VRK1: variants seen among roughly 807,000 people sequenced by gnomAD.
VRK1 encodes the protein VRK serine/threonine kinase 1.
VRK1 carries 33 observed loss-of-function variants against 57.1 expected under a neutral mutation model. The ratio of observed to expected loss-of-function variants is 0.58; its 90% confidence interval spans 0.44 to 0.77. VRK1 has a LOEUF of 0.77. Ranked by LOEUF, VRK1 falls within the 30% of genes least tolerant of loss-of-function variation. The pLI, the probability that VRK1 is intolerant of heterozygous loss-of-function variation, is 0.00. For synonymous variants in VRK1, 137 were observed against 147.8 expected (o/e 0.93, Z 0.53); for missense variants, 413 against 477.3 (o/e 0.87, Z 1.25).
intron 3 of VRK1, among the ~76,000 whole-genome samples, chr14:96,842,847 T>C (rs1887519569): frequency 6.6e-6 from 1 of 152,232 alleles, no homozygotes; most frequent in South Asian, 2.1e-4. Flanking sequence ...TGGAATCTTG[T>C]GGCTGGCACA....
intron 1 of VRK1, among the ~76,000 whole-genome samples, chr14:96,800,756 T>C (rs1885627462): frequency 6.6e-6 from 1 of 152,102 alleles, no homozygotes; most frequent in African/African-American, 2.4e-5. Flanking sequence ...TAGATACTGT[T>C]CACACTGGCA....
At chr14:96,876,792 C>A (rs1283344097) in intron 12 of VRK1, among the ~76,000 whole-genome samples, 83 of 126,502 alleles carry the variant, frequency 6.6e-4, no homozygotes, top group East Asian at 2.3e-3. Context: ...AAAAAAAAAA[C>A]ACAAAAAAAC....
chr14:96,807,977 G>GTCTCTCTC (rs1252403725), intron 1 of VRK1, among the ~76,000 whole-genome samples: 1 of 58,410 alleles, frequency 1.7e-5, no homozygotes, highest in African/African-American at 7.5e-5. Context: ...CTCTCTCTCT[G>GTCTCTCTC]TCTCTCTCCC....
In VRK1 at chr14:96,877,192, A is replaced by G. The variant is rs543132485; in HGVS notation, c.1159+1072A>G. On this transcript the variant is annotated intron_variant, in intron 12 of 12. Coordinates refer to ENST00000216639, the MANE Select transcript of VRK1 (RefSeq NM_003384.3). ...GGTGCCATATTGAGTAATGCCACCAATTTATTTTACCTTCCTTTTGCTAGT... is the reference window on the plus strand; with the variant it reads ...GGTGCCATATTGAGTAATGCCACCAGTTTATTTTACCTTCCTTTTGCTAGT... Among the ~76,000 whole-genome samples, 27 of 152,232 alleles carry G rather than the reference A, an allele frequency of 1.8e-4. No individual in the cohort carries two copies. The South Asian group carries it at 4.8e-3, about 27-fold the overall frequency.
chr14:96,845,883 T>G (rs150294310), intron 3 of VRK1, among the ~76,000 whole-genome samples: 2 of 152,332 alleles, frequency 1.3e-5, no homozygotes, highest in East Asian at 3.9e-4. Context: ...TTATCACTTA[T>G]AGAAATGGAA....
chr14:96,873,078 T>A (rs895795810), intron 11 of VRK1, among the ~76,000 whole-genome samples: 1 of 152,150 alleles, frequency 6.6e-6, no homozygotes, highest in African/African-American at 2.4e-5. Context: ...AAAACCCAAA[T>A]AACACTGCCC....
rs780178000 is a variant in VRK1 at position 96,852,943 on chromosome 14, T to C, written c.483+4T>C. Reference sequence around the variant, plus strand: ...CTTGCAGCTAAGCTTAAGAATTGTATGTGAGCTATGTTCTTCTTGTTTTTA... The same window carrying C: ...CTTGCAGCTAAGCTTAAGAATTGTACGTGAGCTATGTTCTTCTTGTTTTTA... On this transcript the variant is annotated splice_donor_region_variant and intron_variant, in intron 6 of 12. Coordinates refer to ENST00000216639, the MANE Select transcript of VRK1 (RefSeq NM_003384.3). 6.8e-6 allele frequency: 11 copies of C among 1,613,042 alleles called. No homozygotes were observed. In the Middle Eastern group the frequency reaches 1.8e-3, roughly 266 times the overall value.
chr14:96,865,958 T>G (rs562244052), intron 11 of VRK1, among the ~76,000 whole-genome samples: 49 of 152,246 alleles, frequency 3.2e-4, no homozygotes, highest in South Asian at 1.0e-3. Context: ...AAAGTAAGTA[T>G]TTTTAAATGT....
At chr14:96,861,286 T>C (rs1156230187) in intron 11 of VRK1, among the ~76,000 whole-genome samples, 1 of 152,170 alleles carries the variant, frequency 6.6e-6, no homozygotes, top group Non-Finnish European at 1.5e-5. Flanking sequence ...ATGGTAGAAG[T>C]ATTATACAAG....
chr14:96,877,348 C>A, intron 12 of VRK1: 1 of 411,756 alleles, frequency 2.4e-6, no homozygotes, highest in Non-Finnish European at 4.4e-6. Context: ...CTGTTTTAAC[C>A]CAAAGAATAC....
At chr14:96,809,516 G>A (rs941268094) in intron 1 of VRK1, among the ~76,000 whole-genome samples, 2 of 150,084 alleles carry the variant, frequency 1.3e-5, no homozygotes, top group Non-Finnish European at 3.0e-5. Flanking sequence ...ATATGTAGGA[G>A]TAGAATTCCT....
intron 5 of VRK1, among the ~76,000 whole-genome samples, 155 bp downstream of exon 5, chr14:96,847,499 T>C (rs1207534735): frequency 6.6e-6 from 1 of 152,212 alleles, no homozygotes; most frequent in African/African-American, 2.4e-5. Context: ...TAAGATGTTA[T>C]CTCTGTCCTC....
chr14:96,798,785 G>GGTA (rs1885543612), intron 1 of VRK1, among the ~76,000 whole-genome samples: 1 of 152,102 alleles, frequency 6.6e-6, no homozygotes, highest in South Asian at 2.1e-4. Context: ...ATTTTATGTA[G>GGTA]GTTACGTTTA....
At chr14:96,819,591 T>C (rs1886520044) in intron 1 of VRK1, among the ~76,000 whole-genome samples, 1 of 152,192 alleles carries the variant, frequency 6.6e-6, no homozygotes, top group Admixed American at 6.5e-5. Context: ...CAAACACATC[T>C]TTATCAAAAT....
intron 12 of VRK1, chr14:96,877,585 C>CTCCTTATTTAT (rs1889095636): frequency 7.8e-7 from 1 of 1,289,210 alleles, no homozygotes; most frequent in Non-Finnish European, 1.0e-6. Flanking sequence ...TGAGTGGGAA[C>CTCCTTATTTAT]AAAATTAAGG....
intron 1 of VRK1, among the ~76,000 whole-genome samples, chr14:96,819,270 T>C (rs901447421): frequency 3.9e-5 from 6 of 152,258 alleles, no homozygotes; most frequent in Non-Finnish European, 7.3e-5. Flanking sequence ...CTCATGAATT[T>C]ATTTTTTACC....
chr14:96,827,664 A>G (rs1218068479), intron 1 of VRK1, among the ~76,000 whole-genome samples: 1 of 152,146 alleles, frequency 6.6e-6, no homozygotes, highest in Non-Finnish European at 1.5e-5. Context: ...TATATTTGCT[A>G]GTTCCATATT....
chr14:96,829,206 A>ATTT (rs1202071231), intron 1 of VRK1, among the ~76,000 whole-genome samples: 1 of 141,628 alleles, frequency 7.1e-6, no homozygotes, highest in African/African-American at 2.6e-5. Flanking sequence ...TTTTCTTTTA[A>ATTT]TTTTTTTTTT....
chr14:96,838,991 A>G (rs1407336180), intron 3 of VRK1, among the ~76,000 whole-genome samples: 1 of 152,072 alleles, frequency 6.6e-6, no homozygotes, highest in Admixed American at 6.6e-5. Flanking sequence ...CTTAAAATGT[A>G]GAGCATTTCC....
Sources: allele counts gnomAD v4.1 joint callset (sites outside exome capture counted in the v4.1 genomes callset), GRCh38; gene constraint gnomAD v4.1.1; transcripts MANE v1.5; gene names NCBI Gene and HGNC (gene_info 2026-07-23, HGNC 2026-07-21).